ADAMTS17: variants seen among roughly 807,000 people sequenced by gnomAD.
The protein encoded by ADAMTS17 is A disintegrin and metalloproteinase with thrombospondin motifs 17.
A neutral mutation model predicts 141.5 loss-of-function variants in ADAMTS17; 113 were observed. The observed-to-expected ratio is 0.80, with a 90% CI of 0.69 to 0.93. The LOEUF (loss-of-function observed/expected upper bound fraction) is 0.93, where lower values mean the gene tolerates loss of function less well. ADAMTS17 is among the 40% of genes least tolerant of loss of function. The probability of loss-of-function intolerance (pLI) is 0.00; values close to 1 mark genes in which losing one functional copy is unlikely to be tolerated. For missense variants in ADAMTS17, 1,659 were observed against 1,517.9 expected (o/e 1.09, Z -1.54); for synonymous variants, 768 against 630.6 (o/e 1.22, Z -3.27).
chr15:100,157,984 G>A (rs1013486755), intron 8 of ADAMTS17, among the ~76,000 whole-genome samples: 1 of 151,106 alleles, frequency 6.6e-6, no homozygotes, highest in Non-Finnish European at 1.5e-5. Context: ...TGCCTCCCGC[G>A]TTCAAGCTAT....
rs1875748401 is a variant in ADAMTS17, at chr15:100,253,811, C to T, written c.1075+325G>A. Among the ~76,000 whole-genome samples the T allele has an allele frequency of 2.0e-5, 3 of 152,084 alleles. No homozygotes were observed. In the South Asian group the frequency reaches 6.2e-4, roughly 32 times the overall value. On this transcript the variant is annotated intron_variant, in intron 7 of 21. Coordinates refer to ENST00000268070, the MANE Select transcript of ADAMTS17 (RefSeq NM_139057.4). ...CACAACTGTGTAACTTAGCAGGCTG[C>T]CTCTCCTGCCTGGGTGACCAAAATG...
intron 19 of ADAMTS17, among the ~76,000 whole-genome samples, chr15:99,996,938 T>C (rs1382349208): frequency 1.3e-5 from 2 of 152,178 alleles, no homozygotes; most frequent in Non-Finnish European, 2.9e-5. Flanking sequence ...TTTTATGGCA[T>C]GAGATTTGTA....
intron 10 of ADAMTS17, among the ~76,000 whole-genome samples, chr15:100,137,720 T>C (rs934862256): frequency 1.3e-5 from 2 of 152,240 alleles, no homozygotes; most frequent in African/African-American, 4.8e-5. Flanking sequence ...TCTTTATACA[T>C]ATACACTACT....
chr15:100,176,163 A>C (rs1236716138), intron 8 of ADAMTS17, among the ~76,000 whole-genome samples: 3 of 152,222 alleles, frequency 2.0e-5, no homozygotes, highest in Admixed American at 6.5e-5. Flanking sequence ...AAGGAGGCCT[A>C]ACGACAGCAG....
intron 4 of ADAMTS17, among the ~76,000 whole-genome samples, chr15:100,275,727 T>C (rs748849000): frequency 1.3e-5 from 2 of 151,976 alleles, no homozygotes; most frequent in Non-Finnish European, 2.9e-5. Flanking sequence ...TGGAAGCACT[T>C]TGCCATCTGG....
chr15:100,001,994 CAAAA>C (rs71151931), intron 18 of ADAMTS17, among the ~76,000 whole-genome samples: 2 of 58,378 alleles, frequency 3.4e-5, no homozygotes, highest in Admixed American at 5.4e-4. Flanking sequence ...AGGCCAAACC[CAAAA>C]AAAAAAAAAA....
Position 100,269,172 on chromosome 15 carries a change from A to C in ADAMTS17, c.790-6737T>G, listed in dbSNP as rs534142664. On this transcript the variant is annotated intron_variant, in intron 4 of 21. Coordinates refer to ENST00000268070, the MANE Select transcript of ADAMTS17 (RefSeq NM_139057.4). ...AAATGCGAGTCCTCAAACTATAAAA[A>C]CCTTAAAAGAAAACATCGGAAATAC... Among the ~76,000 whole-genome samples, 211 of 152,314 alleles carry C rather than the reference A, an allele frequency of 1.4e-3. No individual in the cohort carries two copies. The Middle Eastern group carries it at 0.017, about 12-fold the overall frequency.
In ADAMTS17 at chr15:100,054,006, T is replaced by C; in HGVS notation, c.2186A>G (p.Glu729Gly). 4 of 1,614,194 alleles carry C rather than the reference T, an allele frequency of 2.5e-6. No homozygotes were observed. Among genetic ancestry groups the C allele is most frequent in the Non-Finnish European group, 2.5e-6 (3 of 1,180,038 alleles). The change falls in exon 16 of 22, where the codon GAG (glutamate) becomes GGG (glycine). Residue 729 changes from glutamate to glycine, a missense_variant. Physicochemically the swap from Glu to Gly is moderately conservative, Grantham distance 98. Coordinates refer to ENST00000268070, the MANE Select transcript of ADAMTS17 (RefSeq NM_139057.4). ...TGCAATCTGGAACTCTCCGGGGAGCTCTATCTTCCAGTCACTGTTGATGGA... is the reference window on the plus strand; with the variant it reads ...TGCAATCTGGAACTCTCCGGGGAGCCCTATCTTCCAGTCACTGTTGATGGA... The part of the protein sequence containing the change: ...KGSINSDWKI[E>G]LPGEFQIAGT...
At chr15:100,106,882 G>A (rs2036444714) in intron 14 of ADAMTS17, among the ~76,000 whole-genome samples, 1 of 152,190 alleles carries the variant, frequency 6.6e-6, no homozygotes, top group Non-Finnish European at 1.5e-5. Context: ...CGACGGGCAG[G>A]GCCTTGGACA....
At chr15:100,091,092 A>T (rs1395847245) in intron 15 of ADAMTS17, among the ~76,000 whole-genome samples, 4 of 151,128 alleles carry the variant, frequency 2.6e-5, no homozygotes, top group East Asian at 2.0e-4. Flanking sequence ...CAAACCGGGG[A>T]AACTGCCTCG....
In ADAMTS17 at chr15:100,104,817, A is replaced by G. The variant is rs1406602738; in HGVS notation, c.2016+4172T>C. Reference sequence around the variant, plus strand: ...TTTCCTTAACCATTTCTTTCTTGCTATACACATTCACAAATGCCACAGGAA... The same window carrying G: ...TTTCCTTAACCATTTCTTTCTTGCTGTACACATTCACAAATGCCACAGGAA... On this transcript the variant is annotated intron_variant, in intron 14 of 21. Transcript: ENST00000268070. 2.0e-5 allele frequency among the ~76,000 whole-genome samples: 3 copies of G among 152,228 alleles called. No individual in the cohort carries two copies. The East Asian group carries it at 5.8e-4, about 29-fold the overall frequency.
chr15:100,037,932 C>T (rs903714344), intron 18 of ADAMTS17, among the ~76,000 whole-genome samples: 1 of 151,184 alleles, frequency 6.6e-6, no homozygotes, highest in Non-Finnish European at 1.5e-5. Context: ...ACTACCATAC[C>T]AGGCTAATTT....
At chr15:99,990,367 A>G (rs2060666580) in intron 20 of ADAMTS17, among the ~76,000 whole-genome samples, 1 of 152,132 alleles carries the variant, frequency 6.6e-6, no homozygotes, top group African/African-American at 2.4e-5. Flanking sequence ...GGAGCTCTGA[A>G]GTTAAGTTTC....
intron 15 of ADAMTS17, among the ~76,000 whole-genome samples, chr15:100,064,874 G>C (rs2127847): frequency 6.6e-5 from 10 of 151,996 alleles, no homozygotes; most frequent in Non-Finnish European, 1.5e-4. Context: ...TTGGGATTTA[G>C]ACAAGCGTAT....
intron 18 of ADAMTS17, among the ~76,000 whole-genome samples, chr15:100,032,798 C>T (rs745853901): frequency 1.3e-5 from 2 of 152,158 alleles, no homozygotes; most frequent in Non-Finnish European, 2.9e-5. Flanking sequence ...CTAAGCGTCT[C>T]GAAGTCTTCA....
intron 6 of ADAMTS17, among the ~76,000 whole-genome samples, chr15:100,259,969 C>A (rs1268455349): frequency 2.0e-5 from 3 of 152,170 alleles, no homozygotes; most frequent in Non-Finnish European, 4.4e-5. Flanking sequence ...CTCAGCCTCC[C>A]AAGTAGCTGG....
chr15:100,315,529 C>T (rs1361178270), intron 3 of ADAMTS17, among the ~76,000 whole-genome samples: 2 of 152,146 alleles, frequency 1.3e-5, no homozygotes, highest in Non-Finnish European at 2.9e-5. Context: ...TAAGAGGGCA[C>T]GTTACAAGTG....
chr15:100,002,056 TAG>T (rs2060939277), intron 18 of ADAMTS17, among the ~76,000 whole-genome samples: 1 of 128,778 alleles, frequency 7.8e-6, no homozygotes, highest in African/African-American at 2.9e-5. Flanking sequence ...TTTTCTAAAA[TAG>T]AGACTCTGAC....
intron 4 of ADAMTS17, among the ~76,000 whole-genome samples, chr15:100,264,366 G>A (rs896933551): frequency 3.3e-5 from 5 of 152,156 alleles, no homozygotes; most frequent in African/African-American, 1.2e-4. Context: ...ATCTAAACTG[G>A]TAAATTTCAG....
Sources: allele counts gnomAD v4.1 joint callset (sites outside exome capture counted in the v4.1 genomes callset), GRCh38; gene constraint gnomAD v4.1.1; transcripts MANE v1.5; gene names NCBI Gene and HGNC (gene_info 2026-07-23, HGNC 2026-07-21).